NAALADL2: variants seen among roughly 807,000 people sequenced by gnomAD.
NAALADL2 encodes the protein inactive N-acetylated-alpha-linked acidic dipeptidase-like protein 2.
Under a neutral mutation model 87.2 loss-of-function variants are expected in NAALADL2, and 76 were observed. The ratio of observed to expected loss-of-function variants is 0.87; its 90% CI spans 0.72 to 1.05. NAALADL2 has a LOEUF of 1.05. Among genes scored for constraint, NAALADL2 ranks in the 50% least tolerant of loss-of-function variants. NAALADL2 has a pLI of 0.00. For synonymous variants in NAALADL2, 354 were observed against 331.0 expected (o/e 1.07, Z -0.75); for missense variants, 1,089 against 945.8 (o/e 1.15, Z -1.99).
In NAALADL2 at chr3:175,332,545, C is replaced by T. The variant is rs369974714; in HGVS notation, c.1090+8220C>T. 3.3e-5 allele frequency among the ~76,000 whole-genome samples: 5 copies of T among 152,170 alleles called. No individual in the cohort carries two copies. The East Asian group carries it at 9.6e-4, about 29-fold the overall frequency. ...CAACTTCCTGGGCTCTAGCAGTCCT[C>T]CTGCCTTCGCCTCCCAAAATGCTGA... On this transcript the variant is annotated intron_variant, in intron 5 of 13. Transcript: ENST00000454872.
intron 1 of NAALADL2, among the ~76,000 whole-genome samples, chr3:174,517,941 T>C (rs1331289650): frequency 6.6e-6 from 1 of 152,108 alleles, no homozygotes. Flanking sequence ...AGTCCCAATC[T>C]CAAATGCCTG....
chr3:174,956,538 G>C (rs76546777), intron 1 of NAALADL2, among the ~76,000 whole-genome samples: 7 of 152,024 alleles, frequency 4.6e-5, no homozygotes, highest in Admixed American at 3.3e-4. Context: ...GGTTTAGTGA[G>C]ATAAAGTTAA....
chr3:175,786,918 T>C (rs1752059296), intron 13 of NAALADL2, among the ~76,000 whole-genome samples: 1 of 152,284 alleles, frequency 6.6e-6, no homozygotes, highest in Admixed American at 6.5e-5. Context: ...GTTTGTTAGT[T>C]TTCCTTCTAA....
chr3:174,809,467 G>A (rs1316898218), intron 3 of NAALADL2, among the ~76,000 whole-genome samples: 1 of 152,108 alleles, frequency 6.6e-6, no homozygotes, highest in Non-Finnish European at 1.5e-5. Flanking sequence ...CTTTGTAATA[G>A]CACAGTAAAA....
chr3:175,226,337 G>A (rs1021483607), intron 2 of NAALADL2, among the ~76,000 whole-genome samples: 1 of 152,072 alleles, frequency 6.6e-6, no homozygotes, highest in Admixed American at 6.6e-5. Context: ...TAATTTCCCT[G>A]AGCATCATTT....
intron 1 of NAALADL2, among the ~76,000 whole-genome samples, chr3:174,521,571 CAAAAAAA>C (rs58465181): frequency 1.1e-4 from 6 of 56,190 alleles, no homozygotes; most frequent in Non-Finnish European, 1.6e-4. Context: ...GACCCTGTCT[CAAAAAAA>C]AAAAAAAAAA....
rs2150042313 is a variant in NAALADL2 at position 175,723,997 on chromosome 3, T to C, written c.1897-13309T>C. The stretch of plus-strand genomic sequence containing the variant: ...CCTTTGAGATGTGACGTTTCATATG[T>C]TCTTTCTGTTTTTCTTTGCTAATAG... On this transcript the variant is annotated intron_variant, in intron 11 of 13. Coordinates refer to ENST00000454872, the MANE Select transcript of NAALADL2 (RefSeq NM_207015.3). 2.6e-5 allele frequency among the ~76,000 whole-genome samples: 4 copies of C among 152,298 alleles called. 1 individual carries two copies. In the South Asian group the frequency reaches 8.3e-4, roughly 32 times the overall value.
chr3:175,200,252 A>G (rs1343433965), intron 2 of NAALADL2, among the ~76,000 whole-genome samples: 1 of 152,100 alleles, frequency 6.6e-6, no homozygotes, highest in East Asian at 1.9e-4. Flanking sequence ...TCTTGATTGT[A>G]GCCTGAGGAA....
chr3:175,716,068 A>T (rs1401429573), intron 11 of NAALADL2, among the ~76,000 whole-genome samples: 1 of 149,660 alleles, frequency 6.7e-6, no homozygotes, highest in Non-Finnish European at 1.5e-5. Flanking sequence ...CTCAAATAAC[A>T]TATATAATAT....
chr3:175,057,998 C>T (rs1712585708), intron 1 of NAALADL2, among the ~76,000 whole-genome samples: 2 of 152,276 alleles, frequency 1.3e-5, no homozygotes, highest in Admixed American at 1.3e-4. Flanking sequence ...TAATTAAATG[C>T]ATCCAATTAA....
At chr3:175,801,442 TA>T (rs1442680121) in intron 13 of NAALADL2, among the ~76,000 whole-genome samples, 1 of 152,134 alleles carries the variant, frequency 6.6e-6, no homozygotes, top group Non-Finnish European at 1.5e-5. Flanking sequence ...ACAAAAATGC[TA>T]ACATGGATTT....
chr3:175,682,370 G>A (rs1295247206), intron 11 of NAALADL2, among the ~76,000 whole-genome samples: 1 of 151,922 alleles, frequency 6.6e-6, no homozygotes, highest in Non-Finnish European at 1.5e-5. Context: ...TCTAGTTATT[G>A]AAATTTGAAA....
At position 175,233,916 on chromosome 3, in the gene NAALADL2, T is replaced by C. The variant is rs1581038994; in HGVS notation, c.546-15T>C. 6.7e-7 allele frequency: 1 copy of C among 1,494,484 alleles called. No individual in the cohort carries two copies. The highest frequency in any genetic ancestry group is 1.8e-4 in the Middle Eastern group (1 of 5,668). 92.6% of individuals were successfully genotyped at this position (1,494,484 alleles called of 1,614,324 possible). On this transcript the variant is annotated splice_polypyrimidine_tract_variant and intron_variant, in intron 2 of 13. Coordinates refer to ENST00000454872, the MANE Select transcript of NAALADL2 (RefSeq NM_207015.3). ...TCTCCTTTTTAAAAAAGTTTTCTTT[T>C]CAAATTTATTTCAGAAATTTGGTAC...
chr3:174,508,113 G>GGTTTTTTTTTTTTT lies in NAALADL2; in HGVS notation c.-183-42455_-183-42442dup, dbSNP rs1553775276. 5.0e-3 allele frequency among the ~76,000 whole-genome samples: 468 copies of GGTTTTTTTTTTTTT among 92,934 alleles called. 16 individuals are homozygous for GGTTTTTTTTTTTTT. Among genetic ancestry groups the GGTTTTTTTTTTTTT allele is most frequent in the African/African-American group, 0.014 (363 of 25,472 alleles). The allele number at this position is 92,934 out of a possible 152,430, so 61.0% of individuals were successfully genotyped here. A position where few individuals can be genotyped will look rare whatever the true frequency, so the allele number is the denominator to read the frequency against. On this transcript the variant is annotated intron_variant, in intron 1 of 3. Coordinates refer to the NAALADL2 transcript ENST00000434257. ...AAATTTTAGCTATTGGATATCTAGTGGTTTTTTTTTTTTTTTTTGAGACGA... is the reference window on the plus strand; with the variant it reads ...AAATTTTAGCTATTGGATATCTAGTGGTTTTTTTTTTTTTGTTTTTTTTTTTTTTTTTGAGACGA...
intron 2 of NAALADL2, among the ~76,000 whole-genome samples, chr3:175,151,298 C>A (rs1489064997): frequency 6.6e-6 from 1 of 152,150 alleles, no homozygotes; most frequent in Admixed American, 6.6e-5. Context: ...AGTTCTTATT[C>A]ACAGAGCAAC....
intron 13 of NAALADL2, among the ~76,000 whole-genome samples, chr3:175,758,626 C>G (rs1389631521): frequency 6.6e-6 from 1 of 151,958 alleles, no homozygotes; most frequent in African/African-American, 2.4e-5. Context: ...GATTTCCACT[C>G]TCAATGCTTA....
At chr3:174,964,788 A>G (rs1021810386) in intron 1 of NAALADL2, among the ~76,000 whole-genome samples, 4 of 151,954 alleles carry the variant, frequency 2.6e-5, no homozygotes, top group African/African-American at 9.6e-5. Context: ...AGCACCTCTC[A>G]GGGCCAGATA....
intron 5 of NAALADL2, among the ~76,000 whole-genome samples, chr3:175,407,661 C>T (rs1712648050): frequency 6.6e-6 from 1 of 152,116 alleles, no homozygotes; most frequent in African/African-American, 2.4e-5. Context: ...AAAGGCAGTC[C>T]ACTGGCTTCG....
At chr3:175,605,018 G>C (rs985110304) in intron 10 of NAALADL2, among the ~76,000 whole-genome samples, 3 of 152,192 alleles carry the variant, frequency 2.0e-5, no homozygotes, top group Non-Finnish European at 4.4e-5. Context: ...TTGGAGCTAA[G>C]TACAGGATTC....
Sources: gnomAD v4.1 joint callset for allele counts (sites outside exome capture counted in the v4.1 genomes callset) on GRCh38, gnomAD v4.1.1 for gene constraint, MANE v1.5 for transcripts, NCBI Gene and HGNC (gene_info 2026-07-23, HGNC 2026-07-21) for gene names.